OLA1: variants seen among roughly 807,000 people sequenced by gnomAD.
The protein encoded by OLA1 is obg-like ATPase 1.
Under a neutral mutation model 48.4 loss-of-function variants are expected in OLA1, and 14 were observed. That is an observed-to-expected ratio of 0.29 (90% CI 0.19 to 0.45). The LOEUF is 0.45. Ranked by LOEUF, OLA1 falls within the 20% of genes least tolerant of loss-of-function variation. The probability of loss-of-function intolerance (pLI) is 1.00; values close to 1 mark genes in which losing one functional copy is unlikely to be tolerated. For synonymous variants in OLA1, 127 were observed against 150.4 expected, an observed-to-expected ratio of 0.84 and a Z score of 1.14; for missense variants, 325 against 467.1, an observed-to-expected ratio of 0.70 and a Z score of 2.80.
At chr2:174,134,443 A>G (rs968627873) in intron 5 of OLA1, among the ~76,000 whole-genome samples, 10 of 152,204 alleles carry the variant, frequency 6.6e-5, no homozygotes, top group Non-Finnish European at 4.4e-5. Flanking sequence ...TGTAGTAAGA[A>G]CATTCTTCTA....
intron 7 of OLA1, among the ~76,000 whole-genome samples, chr2:174,112,412 G>A (rs182588865): frequency 1.3e-5 from 2 of 152,328 alleles, no homozygotes; most frequent in African/African-American, 4.8e-5. Flanking sequence ...AAGGTCAAGT[G>A]TGAAGTGTTG....
At chr2:174,149,594 T>A (rs925378732) in intron 4 of OLA1, among the ~76,000 whole-genome samples, 3 of 152,242 alleles carry the variant, frequency 2.0e-5, no homozygotes, top group Non-Finnish European at 4.4e-5. Context: ...TTATGACTTT[T>A]CTAATTTCTG....
At chr2:174,174,049 A>C (rs1337192417) in intron 4 of OLA1, among the ~76,000 whole-genome samples, 2 of 149,946 alleles carry the variant, frequency 1.3e-5, no homozygotes, top group African/African-American at 2.4e-5. Flanking sequence ...AAAAAAAAAA[A>C]AAACAAAAAA....
intron 7 of OLA1, among the ~76,000 whole-genome samples, chr2:174,121,565 T>C (rs1438332344): frequency 6.6e-6 from 1 of 152,040 alleles, no homozygotes; most frequent in Non-Finnish European, 1.5e-5. Context: ...AGATCATTAG[T>C]TATACATAAA....
chr2:174,117,795 T>C (rs1322794655), intron 7 of OLA1, among the ~76,000 whole-genome samples: 1 of 152,078 alleles, frequency 6.6e-6, no homozygotes, highest in East Asian at 1.9e-4. Flanking sequence ...GAACCTCCAT[T>C]CTAAATCCTT....
In OLA1 at chr2:174,073,641, C is replaced by G. The variant is rs1000352086; in HGVS notation, c.*1785G>C. On this transcript the variant is annotated 3_prime_UTR_variant, in exon 11 of 11. Transcript: ENST00000284719. ...AATGTGCAATTTACCACATTAGAAG[C>G]TAGACAAAGTAAAATTGCATGATCC... is the stretch of plus-strand genomic sequence containing the variant. The G allele has an allele frequency of 1.3e-5, 2 of 152,184 alleles. No homozygotes were observed. Among genetic ancestry groups the G allele is most frequent in the Non-Finnish European group, 2.9e-5 (2 of 68,024 alleles). 9.4% of individuals were successfully genotyped at this position (152,184 alleles called of 1,614,324 possible). A position where few individuals can be genotyped will look rare whatever the true frequency, so the allele number is the denominator to read the frequency against.
intron 4 of OLA1, among the ~76,000 whole-genome samples, chr2:174,182,314 C>T (rs925433579): frequency 4.6e-5 from 7 of 152,086 alleles, no homozygotes; most frequent in Non-Finnish European, 7.4e-5. Flanking sequence ...CACCTGAGGT[C>T]GGGAGTTCGA....
At chr2:174,122,901 G>A (rs901014858) in intron 7 of OLA1, among the ~76,000 whole-genome samples, 6 of 151,932 alleles carry the variant, frequency 3.9e-5, no homozygotes, top group African/African-American at 1.2e-4. Flanking sequence ...TTTTGCAATG[G>A]AAATAAACGA....
intron 7 of OLA1, among the ~76,000 whole-genome samples, chr2:174,107,450 A>G (rs1362437052): frequency 6.6e-6 from 1 of 152,150 alleles, no homozygotes; most frequent in Non-Finnish European, 1.5e-5. Flanking sequence ...TGTGCTCTGT[A>G]GTGGCCTAGA....
At chr2:174,213,571 G>A (rs979629463) in intron 4 of OLA1, among the ~76,000 whole-genome samples, 3 of 152,212 alleles carry the variant, frequency 2.0e-5, no homozygotes, top group African/African-American at 7.2e-5. Flanking sequence ...GCAATAGTAA[G>A]TTATATTGCT....
chr2:174,122,226 T>C (rs1685930419), intron 7 of OLA1, among the ~76,000 whole-genome samples: 2 of 152,188 alleles, frequency 1.3e-5, no homozygotes, highest in South Asian at 4.1e-4. Context: ...ACAGGGCATT[T>C]TTAGTTGCAG....
chr2:174,205,846 A>T (rs987805298), intron 4 of OLA1, among the ~76,000 whole-genome samples: 13 of 152,174 alleles, frequency 8.5e-5, no homozygotes, highest in Non-Finnish European at 1.5e-4. Flanking sequence ...GACATCGCCA[A>T]TGTAGAGACA....
intron 4 of OLA1, among the ~76,000 whole-genome samples, chr2:174,187,603 A>T (rs938535547): frequency 6.6e-6 from 1 of 152,192 alleles, no homozygotes; most frequent in African/African-American, 2.4e-5. Flanking sequence ...ATTCCTTGGA[A>T]ATTGTTTTGC....
At chr2:174,165,847 C>A (rs1444464891) in intron 4 of OLA1, among the ~76,000 whole-genome samples, 1 of 152,130 alleles carries the variant, frequency 6.6e-6, no homozygotes, top group Non-Finnish European at 1.5e-5. Flanking sequence ...TCAGGCTGGG[C>A]GCAGTGGCTC....
At position 174,074,255 on chromosome 2, in the gene OLA1, G is replaced by A. The variant is rs950686079; in HGVS notation, c.*1171C>T. 3.3e-5 allele frequency: 5 copies of A among 152,224 alleles called. No individual in the cohort carries two copies. The highest frequency in any genetic ancestry group is 9.7e-5 in the African/African-American group (4 of 41,402). The allele number at this position is 152,224 out of a possible 1,614,324, so 9.4% of individuals were successfully genotyped here. A position where few individuals can be genotyped will look rare whatever the true frequency, so the allele number is the denominator to read the frequency against. On this transcript the variant is annotated 3_prime_UTR_variant, in exon 11 of 11. Coordinates refer to ENST00000284719, the MANE Select transcript of OLA1 (RefSeq NM_013341.5). The stretch of plus-strand genomic sequence containing the variant: ...TCACAGAAGAGCACAAAAGGGCAGA[G>A]GACAAGGACAAGGAAGGGAGGTCTC...
At chr2:174,153,961 G>T (rs545142384) in intron 4 of OLA1, among the ~76,000 whole-genome samples, 1 of 152,240 alleles carries the variant, frequency 6.6e-6, no homozygotes, top group Admixed American at 6.5e-5. Context: ...TGATCTCCTG[G>T]TCTTAAGCCA....
At chr2:174,245,566 T>C (rs1254358200) in intron 2 of OLA1, among the ~76,000 whole-genome samples, 2 of 152,236 alleles carry the variant, frequency 1.3e-5, no homozygotes. Flanking sequence ...AGATGTTTTA[T>C]ATTTTAAGGT....
chr2:174,189,881 A>AC (rs1558996713), intron 4 of OLA1, among the ~76,000 whole-genome samples: 3 of 147,000 alleles, frequency 2.0e-5, no homozygotes, highest in African/African-American at 7.7e-5. Flanking sequence ...AAAAAAACAA[A>AC]ACACACACAC....
intron 4 of OLA1, among the ~76,000 whole-genome samples, chr2:174,211,083 G>A (rs1483486171): frequency 6.6e-6 from 1 of 151,992 alleles, no homozygotes; most frequent in Admixed American, 6.6e-5. Flanking sequence ...ACACAGAATA[G>A]GGAAAAGTCA....
Sources: gnomAD v4.1 joint callset for allele counts (sites outside exome capture counted in the v4.1 genomes callset) on GRCh38, gnomAD v4.1.1 for gene constraint, MANE v1.5 for transcripts, NCBI Gene and HGNC (gene_info 2026-07-23, HGNC 2026-07-21) for gene names.